The following PRMT8 variants were observed in gnomAD, a reference collection of about 807,000 sequenced individuals.
PRMT8 encodes protein arginine methyltransferase 8, also known as protein arginine N-methyltransferase 8.
In PRMT8, 7 loss-of-function variants were observed where a neutral mutation model predicts 47.1. That is an observed-to-expected ratio of 0.15 (90% CI 0.08 to 0.28). The LOEUF is 0.28. PRMT8 is among the 10% of genes least tolerant of loss of function. PRMT8 has a pLI of 1.00. For missense variants in PRMT8, 237 were observed against 505.4 expected (o/e 0.47, Z 5.09); for synonymous variants, 188 against 186.5 (o/e 1.01, Z -0.07).
At chr12:3,451,106 C>CGCCAATG (rs1362751410) in intron 1 of PRMT8, among the ~76,000 whole-genome samples, 4 of 135,352 alleles carry the variant, frequency 3.0e-5, no homozygotes, top group Non-Finnish European at 6.1e-5. Context: ...TGCTGGTCTA[C>CGCCAATG]GCCAATGTTG....
chr12:3,450,583 C>T lies in PRMT8; in HGVS notation c.48+69141C>T, dbSNP rs191860754. Among the ~76,000 whole-genome samples the T allele has an allele frequency of 1.1e-3, 165 of 152,286 alleles. 1 individual carries two copies. Among genetic ancestry groups the T allele is most frequent in the African/African-American group, 3.4e-3 (143 of 41,584 alleles). On this transcript the variant is annotated intron_variant, in intron 1 of 9. Transcript: ENST00000452611. The stretch of plus-strand genomic sequence containing the variant: ...CACTTAATTTTGAGAAAATGGCTAT[C>T]AAACACCAAAGTCTATATAACCATA...
At chr12:3,586,179 A>T (rs903423949) in intron 8 of PRMT8, among the ~76,000 whole-genome samples, 7 of 152,262 alleles carry the variant, frequency 4.6e-5, no homozygotes, top group Admixed American at 3.9e-4. Context: ...CTGTCTAGAG[A>T]TGGCTCCCTG....
At chr12:3,426,072 G>A (rs1029308044) in intron 1 of PRMT8, among the ~76,000 whole-genome samples, 1 of 152,248 alleles carries the variant, frequency 6.6e-6, no homozygotes, top group African/African-American at 2.4e-5. Context: ...AGCAGAGAGA[G>A]AGCTTGGCAA....
In PRMT8 at chr12:3,593,314, G is replaced by C; in HGVS notation, c.*132G>C. The C allele has an allele frequency of 1.3e-6, 1 of 759,410 alleles. No individual in the cohort carries two copies. The allele number at this position is 759,410 out of a possible 1,614,324, so 47.0% of individuals were successfully genotyped here. On this transcript the variant is annotated 3_prime_UTR_variant, in exon 10 of 10. Transcript: ENST00000382622. This position sits in a 1 kb window ranked among gnomAD's most constrained non-coding sequence, Gnocchi z 4.8. Reference sequence around the variant, plus strand: ...GTTTTCAACTCTGCCTTGAAGATTGGTGAACTCCCCAGGGCTCCCGTGGGC... The same window carrying C: ...GTTTTCAACTCTGCCTTGAAGATTGCTGAACTCCCCAGGGCTCCCGTGGGC...
intron 3 of PRMT8, chr12:3,553,079 G>A (rs555994966): frequency 2.3e-4 from 46 of 200,670 alleles, no homozygotes; most frequent in South Asian, 4.3e-4. Flanking sequence ...CTGGAAAGAC[G>A]TCTGAATTAA....
At position 3,504,502 on chromosome 12, in the gene PRMT8, G is replaced by T. The variant is rs1246771909; in HGVS notation, c.75+12802G>T. Among the ~76,000 whole-genome samples, 10 of 118,188 alleles carry T rather than the reference G, an allele frequency of 8.5e-5. 1 individual carries two copies. The Admixed American group carries it at 8.9e-4, about 11-fold the overall frequency. 77.5% of individuals were successfully genotyped at this position (118,188 alleles called of 152,430 possible). A position where few individuals can be genotyped will look rare whatever the true frequency, so the allele number is the denominator to read the frequency against. ...TGCCCCTGGTGGGGGGTGCCTCCCAGTTAGGCTGCTCGGGGGTCAGGGGTC... is the reference window on the plus strand; with the variant it reads ...TGCCCCTGGTGGGGGGTGCCTCCCATTTAGGCTGCTCGGGGGTCAGGGGTC... On this transcript the variant is annotated intron_variant, in intron 1 of 9. Coordinates refer to ENST00000382622, the MANE Select transcript of PRMT8 (RefSeq NM_019854.5).
At chr12:3,448,299 T>C (rs961716792) in intron 1 of PRMT8, among the ~76,000 whole-genome samples, 11 of 152,216 alleles carry the variant, frequency 7.2e-5, no homozygotes, top group African/African-American at 2.7e-4. Flanking sequence ...GCCACCATGC[T>C]TGGTTCCCCT....
At chr12:3,536,216 T>C (rs151325155) in intron 1 of PRMT8, among the ~76,000 whole-genome samples, 2 of 152,322 alleles carry the variant, frequency 1.3e-5, no homozygotes, top group Non-Finnish European at 2.9e-5. Context: ...TGTTCAGGGA[T>C]CACAGGCCAC....
rs1866392781 is a variant in PRMT8 at position 3,550,272 on chromosome 12, G to C, written c.417+181G>C. 1 of 656,682 alleles carries C rather than the reference G, an allele frequency of 1.5e-6. No homozygotes were observed. Among genetic ancestry groups the C allele is most frequent in the Non-Finnish European group, 2.5e-6 (1 of 392,334 alleles). The allele number at this position is 656,682 out of a possible 1,614,324, so 40.7% of individuals were successfully genotyped here. ...AAGGGGAGCAGGCTGCCTGTCCCCTGTGCATGGCTCCTGGATCCTTACAAC... is the reference window on the plus strand; with the variant it reads ...AAGGGGAGCAGGCTGCCTGTCCCCTCTGCATGGCTCCTGGATCCTTACAAC... On this transcript the variant is annotated intron_variant, in intron 3 of 9. Coordinates refer to ENST00000382622, the MANE Select transcript of PRMT8 (RefSeq NM_019854.5). This position sits in a 1 kb window ranked among gnomAD's most constrained non-coding sequence, Gnocchi z 5.1.
intron 1 of PRMT8, among the ~76,000 whole-genome samples, chr12:3,449,920 G>C (rs1178938766): frequency 1.3e-5 from 2 of 152,146 alleles, no homozygotes; most frequent in Non-Finnish European, 2.9e-5. Context: ...TGTAAGGAAG[G>C]GGTCCAGTTT....
chr12:3,518,084 G>A (rs2137137661), intron 1 of PRMT8, among the ~76,000 whole-genome samples: 1 of 150,786 alleles, frequency 6.6e-6, no homozygotes, highest in African/African-American at 2.4e-5. Context: ...CCAGTGAAAA[G>A]CCCTGGGATT....
At chr12:3,562,234 AT>A (rs370142612) in intron 4 of PRMT8, among the ~76,000 whole-genome samples, 86 of 152,326 alleles carry the variant, frequency 5.6e-4, no homozygotes, top group African/African-American at 2.0e-3. Context: ...ATTATTTTTA[AT>A]GAGCCTGTAG....
At chr12:3,498,962 C>T (rs928087762) in intron 1 of PRMT8, among the ~76,000 whole-genome samples, 4 of 151,982 alleles carry the variant, frequency 2.6e-5, no homozygotes, top group African/African-American at 4.8e-5. Context: ...TCTGGTTTCC[C>T]GTGGTGGCCA....
intron 1 of PRMT8, among the ~76,000 whole-genome samples, chr12:3,408,708 A>G (rs910323785): frequency 1.3e-5 from 2 of 152,142 alleles, no homozygotes; most frequent in Non-Finnish European, 2.9e-5. Flanking sequence ...TCAAAACCTT[A>G]CAGAGTGGCT....
rs1379378780 is a variant in PRMT8 at position 3,535,234 on chromosome 12, C to T, written c.76-5372C>T. On this transcript the variant is annotated intron_variant, in intron 1 of 9. Transcript: ENST00000382622. This position sits in a 1 kb window ranked among gnomAD's most constrained non-coding sequence, Gnocchi z 4.7. ...GTCTCCAGCTCTGCTGCGTCCATAA[C>T]CTTTCATCTCTGCATTTAGTGGGCC... 1.3e-5 allele frequency among the ~76,000 whole-genome samples: 2 copies of T among 152,232 alleles called. No homozygotes were observed. The highest frequency in any genetic ancestry group is 6.5e-5 in the Admixed American group (1 of 15,290).
chr12:3,506,951 G>A (rs1041399093), intron 1 of PRMT8, among the ~76,000 whole-genome samples: 1 of 152,012 alleles, frequency 6.6e-6, no homozygotes, highest in Non-Finnish European at 1.5e-5. Context: ...TCTTCTTGGC[G>A]CTAAATCCTG....
chr12:3,434,539 G>A (rs1346550566), intron 1 of PRMT8, among the ~76,000 whole-genome samples: 4 of 152,172 alleles, frequency 2.6e-5, no homozygotes, highest in East Asian at 3.9e-4. Flanking sequence ...ATGGCACAGC[G>A]TCCAGATCCC....
intron 1 of PRMT8, among the ~76,000 whole-genome samples, chr12:3,464,862 C>T (rs1010943376): frequency 6.6e-6 from 1 of 152,094 alleles, no homozygotes; most frequent in African/African-American, 2.4e-5. Context: ...CTCCTGCTCA[C>T]ACCTGTAATG....
chr12:3,517,938 C>T (rs976432950), intron 1 of PRMT8, among the ~76,000 whole-genome samples: 1 of 151,978 alleles, frequency 6.6e-6, no homozygotes, highest in African/African-American at 2.4e-5. Context: ...GTGTGCGAAG[C>T]TTTAATTTTC....
Sources: allele counts gnomAD v4.1 joint callset (sites outside exome capture counted in the v4.1 genomes callset), GRCh38; gene constraint gnomAD v4.1.1; non-coding constraint Gnocchi (gnomAD v3.1); transcripts MANE v1.5; gene names NCBI Gene and HGNC (gene_info 2026-07-23, HGNC 2026-07-21).